Variants in CDHR2 observed in about 807,000 individuals in gnomAD.
CDHR2 encodes the protein cadherin related family member 2, also known as cadherin-related family member 2.
In CDHR2, 104 loss-of-function variants were observed where a neutral mutation model predicts 138.6. The observed-to-expected ratio is 0.75, with a 90% CI of 0.64 to 0.88. The LOEUF (loss-of-function observed/expected upper bound fraction) is 0.88, where lower values mean the gene tolerates loss of function less well. Ranked by LOEUF, CDHR2 falls within the 40% of genes least tolerant of loss-of-function variation. The pLI, the probability that CDHR2 is intolerant of heterozygous loss-of-function variation, is 0.00. For synonymous variants in CDHR2, 755 were observed against 742.8 expected (o/e 1.02, Z -0.27); for missense variants, 1,624 against 1,727.6 (o/e 0.94, Z 1.06).
At chr5:176,588,517 ATG>A (rs749668020) in intron 21 of CDHR2, among the ~76,000 whole-genome samples, 3 of 120,622 alleles carry the variant, frequency 2.5e-5, no homozygotes, top group Non-Finnish European at 5.3e-5. Context: ...GAGTGTGTGC[ATG>A]TGTGTGAGTG....
intron 1 of CDHR2, among the ~76,000 whole-genome samples, chr5:176,552,569 G>A (rs1039700887): frequency 2.0e-4 from 30 of 152,324 alleles, no homozygotes; most frequent in Middle Eastern, 3.4e-3. Flanking sequence ...CCTATCATGG[G>A]GAAGGCTTAG....
intron 1 of CDHR2, among the ~76,000 whole-genome samples, chr5:176,556,502 T>C (rs192053329): frequency 6.6e-6 from 1 of 152,106 alleles, no homozygotes; most frequent in Non-Finnish European, 1.5e-5. Context: ...CAGTCTCTAC[T>C]AAAAATACAA....
At chr5:176,574,299 A>G in intron 7 of CDHR2, 127 bp downstream of exon 7, 1 of 703,480 alleles carries the variant, frequency 1.4e-6, no homozygotes, top group Non-Finnish European at 2.4e-6. Flanking sequence ...CTGGTCCCCA[A>G]ACCGTCCTCT....
At chr5:176,579,398 T>C (rs773589570) in intron 16 of CDHR2, among the ~76,000 whole-genome samples, 3 of 152,222 alleles carry the variant, frequency 2.0e-5, no homozygotes, top group Non-Finnish European at 4.4e-5. Flanking sequence ...TTTCTGTGGT[T>C]ACACAGCCAG....
intron 1 of CDHR2, among the ~76,000 whole-genome samples, chr5:176,561,986 C>T (rs1412407423): frequency 6.6e-6 from 1 of 151,946 alleles, no homozygotes; most frequent in East Asian, 1.9e-4. Flanking sequence ...GCCAGCAAGG[C>T]GGGGAAGAGC....
intron 16 of CDHR2, among the ~76,000 whole-genome samples, chr5:176,579,848 C>T (rs1758484494): frequency 6.6e-6 from 1 of 152,124 alleles, no homozygotes; most frequent in South Asian, 2.1e-4. Flanking sequence ...GATGAGTCCA[C>T]CACCATTCCT....
At position 176,595,619 on chromosome 5, in the gene CDHR2, C is replaced by T; in HGVS notation, c.3880C>T (p.Gln1294Ter). The T allele has an allele frequency of 2.5e-6, 4 of 1,612,504 alleles. No homozygotes were observed. The highest frequency in any genetic ancestry group is 3.4e-6 in the Non-Finnish European group (4 of 1,179,160). Residue 1294 changes from glutamine (Q) to a stop codon, truncating the protein, a stop_gained, in exon 32 of 32, where the codon CAG becomes TAG. Coordinates refer to ENST00000261944, the MANE Select transcript of CDHR2 (RefSeq NM_017675.6). LOFTEE classifies it high-confidence loss of function. ...AGGACGGCAGGCAGGCGCAAGTGGA[C>T]AGCTGGAGGGGCCATCCTACACCAA... ...LLGRQAGASG[Q>*]LEGPSYTNAG... is the part of the protein sequence containing the mutation.
chr5:176,579,698 G>T (rs560346659), intron 16 of CDHR2, among the ~76,000 whole-genome samples: 4 of 152,322 alleles, frequency 2.6e-5, no homozygotes, highest in African/African-American at 9.6e-5. Flanking sequence ...GGTCCCAGCA[G>T]AATGAAATGG....
At chr5:176,575,471 G>A in intron 9 of CDHR2, 35 bp from the exon 10 acceptor site, 1 of 1,614,176 alleles carries the variant, frequency 6.2e-7, no homozygotes, top group African/African-American at 1.3e-5. Flanking sequence ...GGGAGGCGGG[G>A]AAGTTTGAGG....
chr5:176,567,693 A>G (rs1758116127), intron 3 of CDHR2, among the ~76,000 whole-genome samples: 1 of 152,162 alleles, frequency 6.6e-6, no homozygotes, highest in East Asian at 1.9e-4. Context: ...GGGTTTCACC[A>G]TGTCGGCCAA....
intron 1 of CDHR2, among the ~76,000 whole-genome samples, chr5:176,562,412 G>A (rs1306123601): frequency 6.6e-6 from 1 of 151,912 alleles, no homozygotes; most frequent in Non-Finnish European, 1.5e-5. Flanking sequence ...GCGTGGGCAG[G>A]TGGGTGGCTC....
chr5:176,575,319 T>G lies in CDHR2; in HGVS notation c.661T>G (p.Cys221Gly), dbSNP rs1329743199. The change falls in exon 9 of 32, where the codon TGC becomes GGC. Residue 221 changes from cysteine (C) to glycine (G), a missense_variant. Cys to Gly is a radical substitution (Grantham distance 159). Coordinates refer to ENST00000261944, the MANE Select transcript of CDHR2 (RefSeq NM_017675.6). ...GTACCACAACACCTTCACCATCCAG[T>G]GCTCCCTGCCTGTCTTCCTGTCCAT... ...GMYHNTFTIQ[C>G]SLPVFLSISV... 1.2e-6 allele frequency: 2 copies of G among 1,614,238 alleles called. No individual in the cohort carries two copies. Among genetic ancestry groups the G allele is most frequent in the Admixed American group, 3.3e-5 (2 of 60,028 alleles).
At chr5:176,571,724 G>A (rs918258884) in intron 6 of CDHR2, among the ~76,000 whole-genome samples, 2 of 152,078 alleles carry the variant, frequency 1.3e-5, no homozygotes, top group Non-Finnish European at 2.9e-5. Context: ...TTTTAGTAGA[G>A]ACGGGGTTTC....
At chr5:176,557,899 G>A (rs950494342) in intron 1 of CDHR2, among the ~76,000 whole-genome samples, 1 of 151,322 alleles carries the variant, frequency 6.6e-6, no homozygotes, top group Non-Finnish European at 1.5e-5. Context: ...GTAGACACAG[G>A]GTTTTGCCAT....
Position 176,584,927 on chromosome 5 carries a change from C to G in CDHR2, c.2646C>G (p.Ile882Met), listed in dbSNP as rs745726017. The G allele has an allele frequency of 6.2e-7, 1 of 1,601,780 alleles. No individual in the cohort carries two copies. Among genetic ancestry groups the G allele is most frequent in the Non-Finnish European group, 8.5e-7 (1 of 1,173,870 alleles). The change falls in exon 19 of 32, where the codon ATC becomes ATG. Residue 882 changes from isoleucine (I) to methionine (M), a missense_variant. Ile to Met is a conservative substitution (Grantham distance 10, BLOSUM62 1). This residue lies in a region of CDHR2 where 556 missense variants were observed against 565.7 expected (regional missense o/e 0.98). Transcript: ENST00000261944. ...TGTACATCAACCAGAGCAAAGCCAT[C>G]GACTACGAGGCCTGTGACCTGGTCA... ...GSVYINQSKA[I>M]DYEACDLVTL...
At position 176,584,276 on chromosome 5, in the gene CDHR2, C is replaced by G; in HGVS notation, c.2128+17C>G. The G allele has an allele frequency of 6.2e-7, 1 of 1,613,062 alleles. No individual in the cohort carries two copies. On this transcript the variant is annotated intron_variant, in intron 18 of 31. Transcript: ENST00000261944. ...AGGATCCAGGTATGTGCTCCCTGGG[C>G]CAGGAGAGACACTGCGGCTGGGACC... is the stretch of plus-strand genomic sequence containing the variant.
chr5:176,592,042 GTGGTGGTCA>G (rs1421940958), intron 30 of CDHR2, among the ~76,000 whole-genome samples: 5 of 148,230 alleles, frequency 3.4e-5, no homozygotes, highest in African/African-American at 5.0e-5. Flanking sequence ...AATGGTGATG[GTGGTGGTCA>G]TGGTGGTCAT....
intron 3 of CDHR2, 65 bp downstream of exon 3, chr5:176,565,808 C>G (rs1458387060): frequency 8.0e-7 from 1 of 1,250,462 alleles, no homozygotes; most frequent in South Asian, 1.3e-5. Flanking sequence ...CCTGGGGTGC[C>G]CTCTGGAGCC....
chr5:176,561,001 G>T (rs1041307264), intron 1 of CDHR2, among the ~76,000 whole-genome samples: 6 of 152,146 alleles, frequency 3.9e-5, no homozygotes, highest in African/African-American at 1.4e-4. Flanking sequence ...GGGGGAGGAG[G>T]GCCTGCAGCT....
Sources: gnomAD v4.1 joint callset for allele counts (sites outside exome capture counted in the v4.1 genomes callset) on GRCh38, gnomAD v4.1.1 for gene constraint, gnomAD v4.1.1 regional missense constraint, MANE v1.5 for transcripts, NCBI Gene and HGNC (gene_info 2026-07-23, HGNC 2026-07-21) for gene names.